The following RTF2 variants were observed in gnomAD, a reference collection of about 807,000 sequenced individuals.
The protein encoded by RTF2 is replication termination factor 2.
Under a neutral mutation model 38.0 loss-of-function variants are expected in RTF2, and 18 were observed. The observed-to-expected ratio is 0.47, with a 90% CI of 0.33 to 0.70. The LOEUF (loss-of-function observed/expected upper bound fraction) is 0.70, where lower values mean the gene tolerates loss of function less well. Among genes scored for constraint, RTF2 ranks in the 30% least tolerant of loss-of-function variants. The probability of loss-of-function intolerance (pLI) is 0.02; values close to 1 mark genes in which losing one functional copy is unlikely to be tolerated. For missense variants in RTF2, 311 were observed against 379.6 expected (o/e 0.82, Z 1.50); for synonymous variants, 126 against 137.1 (o/e 0.92, Z 0.57).
chr20:56,469,309 G>A (rs1981841517), intron 1 of RTF2, among the ~76,000 whole-genome samples: 1 of 152,200 alleles, frequency 6.6e-6, no homozygotes, highest in African/African-American at 2.4e-5. Flanking sequence ...TGATAGCAGA[G>A]GCTGTACCCT....
intron 5 of RTF2, among the ~76,000 whole-genome samples, chr20:56,489,691 C>A (rs542691755): frequency 6.6e-6 from 1 of 152,364 alleles, no homozygotes; most frequent in South Asian, 2.1e-4. Context: ...ACAGGGCCCC[C>A]TTCACGGTAT....
chr20:56,503,963 G>GAC (rs144803187), intron 5 of RTF2: 15 of 152,456 alleles, frequency 9.8e-5, no homozygotes, highest in South Asian at 6.2e-4. Flanking sequence ...GTGAGACCCT[G>GAC]ACACACACAC....
At chr20:56,471,703 A>G (rs900956314) in intron 1 of RTF2, 2 of 152,258 alleles carry the variant, frequency 1.3e-5, no homozygotes, top group African/African-American at 4.8e-5. Context: ...TTCGGGGGAA[A>G]CAATTTTCAA....
chr20:56,479,513 C>T (rs1982422464), intron 4 of RTF2, among the ~76,000 whole-genome samples: 1 of 152,176 alleles, frequency 6.6e-6, no homozygotes, highest in South Asian at 2.1e-4. Context: ...GTGTGAGCCA[C>T]CACAGCGGGC....
chr20:56,475,408 A>G (rs546130936), intron 3 of RTF2, among the ~76,000 whole-genome samples: 18 of 152,306 alleles, frequency 1.2e-4, no homozygotes, highest in Admixed American at 9.8e-4. Context: ...CTAAGGCTCT[A>G]GGTTTTGCCT....
chr20:56,473,512 T>C (rs1224370913), intron 2 of RTF2, 117 bp downstream of exon 2: 1 of 674,174 alleles, frequency 1.5e-6, no homozygotes, highest in Non-Finnish European at 2.6e-6. Flanking sequence ...TTGTGAGGCA[T>C]AGGCTGTCGT....
rs774875921 is a variant in RTF2 at position 56,499,194 on chromosome 20, C to CTTTTTTT, written c.478-14107_478-14101dup. Among the ~76,000 whole-genome samples, 20 of 133,052 alleles carry CTTTTTTT rather than the reference C, an allele frequency of 1.5e-4. 1 individual carries two copies. Among genetic ancestry groups the CTTTTTTT allele is most frequent in the South Asian group, 1.5e-3 (6 of 4,134 alleles). The allele number at this position is 133,052 out of a possible 152,430, so 87.3% of individuals were successfully genotyped here. On this transcript the variant is annotated intron_variant, in intron 5 of 8. Coordinates refer to ENST00000357348, the MANE Select transcript of RTF2 (RefSeq NM_016407.5). The stretch of plus-strand genomic sequence containing the variant: ...TTCTTATAAATTATGTAATACTTAT[C>CTTTTTTT]TTTTTTTTTTTTTTTTTTTTGAGAC...
intron 5 of RTF2, among the ~76,000 whole-genome samples, chr20:56,491,974 G>A (rs1405664704): frequency 6.6e-6 from 1 of 152,050 alleles, no homozygotes; most frequent in Non-Finnish European, 1.5e-5. Flanking sequence ...CGGTGGAAAG[G>A]CGCACTTTCA....
chr20:56,491,993 G>A (rs1349508513), intron 5 of RTF2, among the ~76,000 whole-genome samples: 2 of 152,034 alleles, frequency 1.3e-5, no homozygotes, highest in African/African-American at 4.8e-5. Context: ...CATTCTTTTA[G>A]TGATTTCTGA....
At chr20:56,491,743 G>T (rs1260037032) in intron 5 of RTF2, 1 of 1,552,078 alleles carries the variant, frequency 6.4e-7, no homozygotes. Context: ...GCCACGGCAG[G>T]TCTCCTGGTC....
intron 5 of RTF2, chr20:56,495,310 C>T (rs1473378989): frequency 1.3e-5 from 20 of 1,539,928 alleles, no homozygotes; most frequent in Non-Finnish European, 1.5e-5. Flanking sequence ...AAGAGGAAAA[C>T]AAAACCAGCA....
intron 6 of RTF2, 55 bp from the exon 7 acceptor site, chr20:56,516,880 C>A: frequency 6.5e-7 from 1 of 1,545,482 alleles, no homozygotes; most frequent in Non-Finnish European, 8.9e-7. Flanking sequence ...GCCACACTGA[C>A]GCTGAAGTGG....
chr20:56,501,854 G>A (rs1444962369), intron 5 of RTF2, among the ~76,000 whole-genome samples: 3 of 152,162 alleles, frequency 2.0e-5, no homozygotes, highest in Admixed American at 2.0e-4. Context: ...GGGCAACAGA[G>A]TGAGTGAGAC....
chr20:56,507,594 T>C (rs1346454643), intron 5 of RTF2, among the ~76,000 whole-genome samples: 2 of 152,188 alleles, frequency 1.3e-5, no homozygotes, highest in Admixed American at 6.5e-5. Flanking sequence ...ATAAGGTCCA[T>C]GTCCTCTGAA....
At chr20:56,487,566 A>G (rs191851669) in intron 5 of RTF2, among the ~76,000 whole-genome samples, 1 of 152,390 alleles carries the variant, frequency 6.6e-6, no homozygotes, top group East Asian at 1.9e-4. Flanking sequence ...ATCTGTTGCC[A>G]ACAAAGAATG....
chr20:56,474,571 C>A (rs964058981), intron 2 of RTF2, 107 bp from the exon 3 acceptor site: 7 of 634,592 alleles, frequency 1.1e-5, no homozygotes, highest in South Asian at 6.8e-5. Flanking sequence ...CAGGGTATTT[C>A]TCTTATCAAA....
intron 5 of RTF2, chr20:56,504,345 C>T (rs906085210): frequency 1.3e-5 from 2 of 152,186 alleles, no homozygotes; most frequent in African/African-American, 2.4e-5. Flanking sequence ...ATGAAGGGCG[C>T]ACAGTCACTC....
At position 56,477,142 on chromosome 20, in the gene RTF2, G is replaced by A; in HGVS notation, c.398+18G>A. 1.2e-6 allele frequency: 2 copies of A among 1,611,976 alleles called. No homozygotes were observed. The highest frequency in any genetic ancestry group is 2.2e-5 in the East Asian group (1 of 44,744). On this transcript the variant is annotated intron_variant, in intron 4 of 8. Transcript: ENST00000357348. ...CGACACAGGTTAGTGACGGACCTGG[G>A]ACAGATGATGTGGGAGGCTGGAGGA...
At chr20:56,480,764 G>C (rs762456573) in intron 4 of RTF2, among the ~76,000 whole-genome samples, 1 of 152,202 alleles carries the variant, frequency 6.6e-6, no homozygotes. Flanking sequence ...CTGAGAAGGA[G>C]AGAGATGGGG....
Sources: gnomAD v4.1 joint callset for allele counts (sites outside exome capture counted in the v4.1 genomes callset) on GRCh38, gnomAD v4.1.1 for gene constraint, MANE v1.5 for transcripts, NCBI Gene and HGNC (gene_info 2026-07-23, HGNC 2026-07-21) for gene names.